The following PAN3 variants were observed in gnomAD, a reference collection of about 807,000 sequenced individuals.
PAN3 encodes PAN2-PAN3 deadenylation complex subunit PAN3.
Under a neutral mutation model 96.2 loss-of-function variants are expected in PAN3, and 19 were observed. That is an observed-to-expected ratio of 0.20 (90% CI 0.14 to 0.29). The LOEUF (loss-of-function observed/expected upper bound fraction) is 0.29, where lower values mean the gene tolerates loss of function less well. PAN3 is among the 10% of genes least tolerant of loss of function. The pLI, the probability that PAN3 is intolerant of heterozygous loss-of-function variation, is 1.00. For missense variants in PAN3, 882 were observed against 1,108.1 expected, an observed-to-expected ratio of 0.80 and a Z score of 2.90; for synonymous variants, 433 against 406.6, an observed-to-expected ratio of 1.06 and a Z score of -0.78.
intron 1 of PAN3, among the ~76,000 whole-genome samples, chr13:28,161,508 A>G (rs1359351678): frequency 6.6e-6 from 1 of 152,180 alleles, no homozygotes; most frequent in Non-Finnish European, 1.5e-5. Context: ...ATCTTTAATT[A>G]TATCTGCAGT....
chr13:28,285,892 G>A (rs536070289), intron 17 of PAN3, among the ~76,000 whole-genome samples: 1 of 152,056 alleles, frequency 6.6e-6, no homozygotes, highest in African/African-American at 2.4e-5. Context: ...GCTGGTGGTT[G>A]GTTTTTGTTT....
At position 28,266,745 on chromosome 13, in the gene PAN3, G is replaced by A. The variant is rs1392778782; in HGVS notation, c.1442G>A (p.Ser481Asn). ...AVPTEVDSYH[S>N]LFPLEPLPPP... ...CCTACAGAGGTTGACAGCTACCATA[G>A]CCTATTCCCTCTAGAACCACTGCCA... is the stretch of plus-strand genomic sequence containing the variant. The change falls in exon 10 of 19, where the codon AGC becomes AAC. Residue 481 changes from serine (S) to asparagine (N), a missense_variant. By Grantham distance (46) the Ser-to-Asn change is conservative. Transcript: ENST00000380958. 2.5e-6 allele frequency: 4 copies of A among 1,605,530 alleles called. No homozygotes were observed. The highest frequency in any genetic ancestry group is 2.6e-6 in the Non-Finnish European group (3 of 1,176,204).
Position 28,243,608 on chromosome 13 carries a change from CT to C in PAN3, c.1001-12674del, listed in dbSNP as rs577031954. ...GCCTTTTAATAATGGTCTGATTAAA[CT>C]TTTTTTTTTAATCTATGCCAATCTG... On this transcript the variant is annotated intron_variant, in intron 6 of 18. Coordinates refer to ENST00000380958, the MANE Select transcript of PAN3 (RefSeq NM_175854.8). Among the ~76,000 whole-genome samples, 9 of 149,616 alleles carry C rather than the reference CT, an allele frequency of 6.0e-5. No individual in the cohort carries two copies. In the East Asian group the frequency reaches 7.8e-4, roughly 13 times the overall value.
chr13:28,184,106 C>T (rs1467121680), intron 4 of PAN3, among the ~76,000 whole-genome samples: 1 of 152,114 alleles, frequency 6.6e-6, no homozygotes, highest in Non-Finnish European at 1.5e-5. Flanking sequence ...CCTTCTTCCT[C>T]ACAGAAACTT....
intron 5 of PAN3, among the ~76,000 whole-genome samples, chr13:28,201,019 A>G (rs966238654): frequency 1.3e-5 from 2 of 151,234 alleles, no homozygotes; most frequent in African/African-American, 4.9e-5. Flanking sequence ...TTTATTGTGA[A>G]ACTCTCTCTG....
chr13:28,247,352 A>G, intron 6 of PAN3, among the ~76,000 whole-genome samples: 1 of 151,878 alleles, frequency 6.6e-6, no homozygotes, highest in Non-Finnish European at 1.5e-5. Flanking sequence ...CGATGAAGGG[A>G]TAGTGTGCAT....
intron 6 of PAN3, among the ~76,000 whole-genome samples, chr13:28,252,921 T>C (rs1264382423): frequency 6.6e-6 from 1 of 152,194 alleles, no homozygotes; most frequent in Non-Finnish European, 1.5e-5. Context: ...TCAGTTAATA[T>C]CAGGGTGTTC....
intron 4 of PAN3, among the ~76,000 whole-genome samples, chr13:28,183,023 G>A (rs768163304): frequency 2.6e-5 from 4 of 152,270 alleles, no homozygotes; most frequent in African/African-American, 4.8e-5. Context: ...TTACGGTAGA[G>A]TTCTTCTATG....
chr13:28,139,111 G>T, intron 1 of PAN3, 24 bp downstream of exon 1: 1 of 1,274,350 alleles, frequency 7.8e-7, no homozygotes, highest in Non-Finnish European at 9.9e-7. Flanking sequence ...GGGCGGGGCG[G>T]GCCGCGGCGG....
chr13:28,160,518 G>A (rs181858178), intron 1 of PAN3, among the ~76,000 whole-genome samples: 272 of 152,290 alleles, frequency 1.8e-3, no homozygotes, highest in African/African-American at 6.2e-3. Flanking sequence ...GTAATAGGCA[G>A]TTGGAAATGT....
chr13:28,168,022 A>T (rs1283081436), intron 1 of PAN3, among the ~76,000 whole-genome samples: 1 of 152,182 alleles, frequency 6.6e-6, no homozygotes, highest in Non-Finnish European at 1.5e-5. Flanking sequence ...CACTAATGCC[A>T]TTCATGAGGA....
At position 28,139,082 on chromosome 13, in the gene PAN3, T is replaced by C; in HGVS notation, c.425T>C (p.Leu142Pro). Residue 142 changes from leucine to proline, a missense_variant, in exon 1 of 19, where the codon CTG (leucine) becomes CCG (proline). Leu to Pro is a moderately conservative substitution (Grantham distance 98, BLOSUM62 -3). This residue lies in a region of PAN3 where 442 missense variants were observed against 422.8 expected (regional missense o/e 1.05). Coordinates refer to ENST00000380958, the MANE Select transcript of PAN3 (RefSeq NM_175854.8). Reference sequence around the variant, plus strand: ...AGCGGGGGACTCGATGGACCGCGGCTGGCAAGTGAGTGTTTTTCGGGCGGG... The same window carrying C: ...AGCGGGGGACTCGATGGACCGCGGCCGGCAAGTGAGTGTTTTTCGGGCGGG... ...GSSGGLDGPR[L>P]AIPGMDGGAL... The C allele has an allele frequency of 7.9e-7, 1 of 1,265,054 alleles. No homozygotes were observed. Among genetic ancestry groups the C allele is most frequent in the South Asian group, 2.7e-5 (1 of 36,406 alleles). 78.4% of individuals were successfully genotyped at this position (1,265,054 alleles called of 1,614,324 possible). A position where few individuals can be genotyped will look rare whatever the true frequency, so the allele number is the denominator to read the frequency against.
chr13:28,234,989 C>T (rs1882948280), intron 6 of PAN3, among the ~76,000 whole-genome samples: 1 of 152,148 alleles, frequency 6.6e-6, no homozygotes, highest in Admixed American at 6.6e-5. Flanking sequence ...TAAATATAGA[C>T]CAAATCATGA....
At chr13:28,225,849 A>G (rs1253985861) in intron 6 of PAN3, among the ~76,000 whole-genome samples, 1 of 152,228 alleles carries the variant, frequency 6.6e-6, no homozygotes, top group Non-Finnish European at 1.5e-5. Context: ...TAAGACAGAC[A>G]AGGTGGCGTC....
At chr13:28,247,225 TGTCG>T in intron 6 of PAN3, among the ~76,000 whole-genome samples, 1 of 152,294 alleles carries the variant, frequency 6.6e-6, no homozygotes, top group East Asian at 1.9e-4. Context: ...TTTTGGGAAA[TGTCG>T]GTCCTGATCT....
chr13:28,202,402 T>C (rs567460070), intron 5 of PAN3, among the ~76,000 whole-genome samples: 2 of 152,344 alleles, frequency 1.3e-5, no homozygotes, highest in East Asian at 3.9e-4. Flanking sequence ...AGCTTCTGAA[T>C]AATTTTTGTC....
At chr13:28,257,114 G>A (rs1885210985) in intron 7 of PAN3, among the ~76,000 whole-genome samples, 2 of 152,118 alleles carry the variant, frequency 1.3e-5, no homozygotes, top group South Asian at 2.1e-4. Flanking sequence ...AAGGACTGGC[G>A]ATGAAGTGAG....
intron 9 of PAN3, 45 bp downstream of exon 9, chr13:28,261,503 A>AT: frequency 5.2e-6 from 8 of 1,530,886 alleles, no homozygotes; most frequent in Non-Finnish European, 7.2e-6. Flanking sequence ...GGCTGTTATA[A>AT]TTCTTACGTG....
At chr13:28,197,371 TTCTTGAAAGTGAATG>T (rs1566178392) in intron 5 of PAN3, 25 bp downstream of exon 5, 1 of 1,541,148 alleles carries the variant, frequency 6.5e-7, no homozygotes, top group Admixed American at 2.0e-5. Context: ...TATTAGACAT[TTCTTGAAAGTGAATG>T]TCTTGGCTGC....
Sources: allele counts gnomAD v4.1 joint callset (sites outside exome capture counted in the v4.1 genomes callset), GRCh38; gene constraint gnomAD v4.1.1; regional missense constraint gnomAD v4.1.1; transcripts MANE v1.5; gene names NCBI Gene and HGNC (gene_info 2026-07-23, HGNC 2026-07-21).